The following TMEM141 variants were observed in gnomAD, a reference collection of about 807,000 sequenced individuals.
TMEM141 encodes transmembrane protein 141.
Under a neutral mutation model 15.9 loss-of-function variants are expected in TMEM141, and 18 were observed. The ratio of observed to expected loss-of-function variants is 1.13; its 90% CI spans 0.78 to 1.68. The LOEUF is 1.68. TMEM141 is among the 40% of genes most tolerant of loss of function. The pLI is 0.00. For synonymous variants in TMEM141, 69 were observed against 54.0 expected, an observed-to-expected ratio of 1.28 and a Z score of -1.22; for missense variants, 161 against 139.5, an observed-to-expected ratio of 1.15 and a Z score of -0.78.
In TMEM141 at chr9:136,792,355, A is replaced by T. The variant is rs1218279183; in HGVS notation, c.310A>T (p.Thr104Ser). 1 of 1,570,702 alleles carries T rather than the reference A, an allele frequency of 6.4e-7. No homozygotes were observed. The highest frequency in any genetic ancestry group is 8.6e-7 in the Non-Finnish European group (1 of 1,157,368). The change falls in exon 4 of 5, where the codon ACA (threonine) becomes TCA (serine). Residue 104 changes from threonine (T) to serine (S), a missense_variant. Physicochemically the swap from Thr to Ser is moderately conservative, Grantham distance 58. Coordinates refer to ENST00000290079, the MANE Select transcript of TMEM141 (RefSeq NM_032928.4). ...CGGGCAGCTCCCCAAAGACAGGAGC[A>T]CAGGTGAGAGAGCCTGGGGGTTAGC... ...ETGQLPKDRS[T>S]DQRS
In TMEM141 at chr9:136,791,361, C is replaced by T; in HGVS notation, c.-10C>T. The T allele has an allele frequency of 3.9e-6, 6 of 1,557,404 alleles. No individual in the cohort carries two copies. The highest frequency in any genetic ancestry group is 5.2e-6 in the Non-Finnish European group (6 of 1,150,900). On this transcript the variant is annotated 5_prime_UTR_variant, in exon 1 of 5. Transcript: ENST00000290079. ...GCCTGCGCAGGCCCGCTCCCCGAGC[C>T]CTGCCAACCATGGTGAACTTGGGTC...
At chr9:136,792,499 C>A in intron 4 of TMEM141, 141 bp downstream of exon 4, 1 of 696,336 alleles carries the variant, frequency 1.4e-6, no homozygotes, top group Non-Finnish European at 2.4e-6. Flanking sequence ...ATGTGACTGC[C>A]AGATGGGTTG....
At chr9:136,792,196 C>G in intron 3 of TMEM141, 55 bp from the exon 4 acceptor site, 1 of 1,530,642 alleles carries the variant, frequency 6.5e-7, no homozygotes, top group Non-Finnish European at 8.9e-7. Flanking sequence ...GTGCCCGGTT[C>G]TCTTAGCCTG....
intron 4 of TMEM141, among the ~76,000 whole-genome samples, chr9:136,792,610 A>G (rs1189760247): frequency 6.6e-6 from 1 of 152,226 alleles, no homozygotes; most frequent in East Asian, 1.9e-4. Flanking sequence ...GGAAGGGTGC[A>G]GAGTGAAGGG....
intron 1 of TMEM141, 123 bp from the exon 2 acceptor site, chr9:136,791,588 G>A: frequency 6.4e-7 from 1 of 1,566,880 alleles, no homozygotes; most frequent in Non-Finnish European, 8.7e-7. Context: ...AGGGGAGGTG[G>A]GACGTGTCCA....
rs1348176075 is a variant in TMEM141, at chr9:136,792,022, T to A, written c.197T>A (p.Val66Glu). The change falls in exon 3 of 5, where the codon GTG becomes GAG. Residue 66 changes from valine (V) to glutamate (E), a missense_variant. Transcript: ENST00000290079. ...TACCCTTTGCAGTGGAGCCTCCTAGTGGCCGTGGGTGGGTACTCCAGGGCC... is the reference window on the plus strand; with the variant it reads ...TACCCTTTGCAGTGGAGCCTCCTAGAGGCCGTGGGTGGGTACTCCAGGGCC... ...FPYPLQWSLL[V>E]AVVAGSVVSY... 3.1e-6 allele frequency: 5 copies of A among 1,613,824 alleles called. No individual in the cohort carries two copies.
chr9:136,791,474 G>A (rs1413683781), intron 1 of TMEM141, 50 bp downstream of exon 1: 13 of 1,550,210 alleles, frequency 8.4e-6, no homozygotes, highest in Non-Finnish European at 1.1e-5. Context: ...AAGCTGACCT[G>A]AGCGAGGCGG....
Position 136,792,993 on chromosome 9 carries a change from C to T in TMEM141, c.*161C>T, listed in dbSNP as rs979905133. 9 of 1,027,364 alleles carry T rather than the reference C, an allele frequency of 8.8e-6. No individual in the cohort carries two copies. Among genetic ancestry groups the T allele is most frequent in the East Asian group, 3.4e-5 (1 of 28,990 alleles). The allele number at this position is 1,027,364 out of a possible 1,614,324, so 63.6% of individuals were successfully genotyped here. A position where few individuals can be genotyped will look rare whatever the true frequency, so the allele number is the denominator to read the frequency against. On this transcript the variant is annotated 3_prime_UTR_variant, in exon 5 of 5. Coordinates refer to ENST00000290079, the MANE Select transcript of TMEM141 (RefSeq NM_032928.4). ...AGGCCTGACAAACACCTGCAGATGG[C>T]TGCTGCCCCAACCTGGGACCTGCCC...
In TMEM141 at chr9:136,792,241, T is replaced by C. The variant is rs367906937; in HGVS notation, c.206-10T>C. On this transcript the variant is annotated splice_polypyrimidine_tract_variant and intron_variant, in intron 3 of 4. Transcript: ENST00000290079. ...GAGGCCCCAGCCCTCTTCCATTTCCTGCTCCACAGTTGCAGGCTCTGTGGT... is the reference window on the plus strand; with the variant it reads ...GAGGCCCCAGCCCTCTTCCATTTCCCGCTCCACAGTTGCAGGCTCTGTGGT... 1,332 of 1,569,662 alleles carry C rather than the reference T, an allele frequency of 8.5e-4. 3 individuals are homozygous for C. The highest frequency in any genetic ancestry group is 1.1e-3 in the Non-Finnish European group (1,268 of 1,156,460).
chr9:136,792,035 G>GT lies in TMEM141; in HGVS notation c.205+6dup, dbSNP rs768388965. 5.0e-6 allele frequency: 8 copies of GT among 1,613,598 alleles called. No homozygotes were observed. Among genetic ancestry groups the GT allele is most frequent in the African/African-American group, 1.3e-5 (1 of 74,920 alleles). On this transcript the variant is annotated splice_donor_region_variant and intron_variant, in intron 3 of 4. Coordinates refer to ENST00000290079, the MANE Select transcript of TMEM141 (RefSeq NM_032928.4). The stretch of plus-strand genomic sequence containing the variant: ...GGAGCCTCCTAGTGGCCGTGGGTGG[G>GT]TACTCCAGGGCCCCTGCCTGGGCTC...
At chr9:136,791,800 G>A (rs767249812) in intron 2 of TMEM141, 23 bp downstream of exon 2, 4 of 1,611,310 alleles carry the variant, frequency 2.5e-6, no homozygotes, top group Non-Finnish European at 3.4e-6. Context: ...CAGGTGTCCT[G>A]CGGCTGGGAG....
chr9:136,792,614 TGAA>T (rs367625723), intron 4 of TMEM141, among the ~76,000 whole-genome samples: 3 of 151,776 alleles, frequency 2.0e-5, no homozygotes, highest in African/African-American at 7.3e-5. Flanking sequence ...GGGTGCAGAG[TGAA>T]GGGTGTGGCA....
At chr9:136,792,183 C>G (rs1847598044) in intron 3 of TMEM141, 68 bp from the exon 4 acceptor site, 1 of 1,510,362 alleles carries the variant, frequency 6.6e-7, no homozygotes, top group African/African-American at 1.4e-5. Flanking sequence ...CAGGAAGTAG[C>G]CTGTGCCCGG....
chr9:136,791,805 T>C, intron 2 of TMEM141, 28 bp downstream of exon 2: 1 of 1,611,120 alleles, frequency 6.2e-7, no homozygotes, highest in East Asian at 2.2e-5. Flanking sequence ...GTCCTGCGGC[T>C]GGGAGAGAAC....
rs1482424589 is a variant in TMEM141 at position 136,792,334 on chromosome 9, C to A, written c.289C>A (p.Gln97Lys). 8.9e-6 allele frequency: 14 copies of A among 1,580,972 alleles called. No individual in the cohort carries two copies. The African/African-American group carries it at 1.1e-4, about 12-fold the overall frequency. Residue 97 changes from glutamine (Q) to lysine (K), a missense_variant, in exon 4 of 5, where the codon CAG (glutamine) becomes AAG (lysine). Transcript: ENST00000290079. ...NNLWLFLETG[Q>K]LPKDRSTDQR... is the part of the protein sequence containing the mutation. ...CCTCTGGCTCTTCCTGGAGACCGGG[C>A]AGCTCCCCAAAGACAGGAGCACAGG...
At chr9:136,791,892 G>C (rs529572815) in intron 2 of TMEM141, 55 bp from the exon 3 acceptor site, 1 of 1,612,884 alleles carries the variant, frequency 6.2e-7, no homozygotes, top group Admixed American at 1.7e-5. Context: ...GGCCTGGCAA[G>C]GTGGGCCCTG....
At chr9:136,791,491 G>A (rs932443894) in intron 1 of TMEM141, 67 bp downstream of exon 1, 1 of 1,546,788 alleles carries the variant, frequency 6.5e-7, no homozygotes, top group Non-Finnish European at 8.7e-7. Flanking sequence ...GCGGGGGGCC[G>A]GGGCGTGGGG....
chr9:136,792,059 T>C (rs1170568214), intron 3 of TMEM141, 29 bp downstream of exon 3: 4 of 1,611,156 alleles, frequency 2.5e-6, no homozygotes, highest in African/African-American at 2.7e-5. Flanking sequence ...CTGCCTGGGC[T>C]CTTTGAGGGG....
chr9:136,792,110 G>C (rs879128907), intron 3 of TMEM141, 80 bp downstream of exon 3: 1 of 1,578,900 alleles, frequency 6.3e-7, no homozygotes, highest in South Asian at 1.1e-5. Flanking sequence ...CTGCGTCCCT[G>C]ACTCTGACAT....
Sources: gnomAD v4.1 joint callset for allele counts (sites outside exome capture counted in the v4.1 genomes callset) on GRCh38, gnomAD v4.1.1 for gene constraint, MANE v1.5 for transcripts, NCBI Gene and HGNC (gene_info 2026-07-23, HGNC 2026-07-21) for gene names.